ZNF44: variants seen among roughly 807,000 people sequenced by gnomAD.
ZNF44 encodes the protein gonadotropin inducible transcription repressor-2.
A neutral mutation model predicts 11.7 loss-of-function variants in ZNF44; 9 were observed. The observed-to-expected ratio is 0.77, with a 90% CI of 0.46 to 1.35. ZNF44 has a LOEUF of 1.35. Ranked by LOEUF, ZNF44 falls within the 40% of genes most tolerant of loss-of-function variation. The pLI, the probability that ZNF44 is intolerant of heterozygous loss-of-function variation, is 0.00. For missense variants in ZNF44, 696 were observed against 743.1 expected, an observed-to-expected ratio of 0.94 and a Z score of 0.74; for synonymous variants, 224 against 242.7, an observed-to-expected ratio of 0.92 and a Z score of 0.72.
chr19:12,251,329 C>CAAAA (rs58014346), intron 5 of ZNF44, among the ~76,000 whole-genome samples: 1 of 133,022 alleles, frequency 7.5e-6, no homozygotes, highest in Non-Finnish European at 1.6e-5. Context: ...GACTCTGTCT[C>CAAAA]AAAAAAAAAA....
chr19:12,273,114 G>T lies in ZNF44; in HGVS notation c.1141C>A (p.Arg381=). ...GKLLSHRSSF[R]RHMMAHTGDG... ...CCAGTGTGTGCCATCATGTGTCTTCGAAAGCTTGAGCGATGAGATAACAAT... is the reference window on the plus strand; with the variant it reads ...CCAGTGTGTGCCATCATGTGTCTTCTAAAGCTTGAGCGATGAGATAACAAT... The change falls in exon 4 of 4, where the codon CGA becomes AGA. Residue 381 remains arginine (R), a synonymous_variant. Coordinates refer to ENST00000355684, the MANE Select transcript of ZNF44 (RefSeq NM_016264.4). 1 of 1,613,878 alleles carries T rather than the reference G, an allele frequency of 6.2e-7. No homozygotes were observed. Among genetic ancestry groups the T allele is most frequent in the East Asian group, 2.2e-5 (1 of 44,862 alleles).
intron 1 of ZNF44, chr19:12,293,464 C>A (rs1968102612): frequency 1.6e-5 from 21 of 1,317,162 alleles, no homozygotes; most frequent in Non-Finnish European, 2.0e-5. Flanking sequence ...ATAAAAGAGG[C>A]ACAAAGGTTT....
chr19:12,257,261 C>T (rs1334299237), intron 5 of ZNF44, among the ~76,000 whole-genome samples: 1 of 152,166 alleles, frequency 6.6e-6, no homozygotes, highest in Non-Finnish European at 1.5e-5. Flanking sequence ...AATCAGTAAT[C>T]TCCATAATGT....
At chr19:12,267,243 C>T (rs747069513), downstream of ZNF44, among the ~76,000 whole-genome samples, 7 of 151,906 alleles carry the variant, frequency 4.6e-5, no homozygotes, top group Non-Finnish European at 8.8e-5. Context: ...GGAGTTTCAC[C>T]TTGTTGGTCA....
chr19:12,263,386 T>G (rs1917597958), intron 5 of ZNF44, among the ~76,000 whole-genome samples: 1 of 151,826 alleles, frequency 6.6e-6, no homozygotes, highest in Admixed American at 6.6e-5. Flanking sequence ...ATGCCTGGCT[T>G]CAAATTCATC....
intron 5 of ZNF44, among the ~76,000 whole-genome samples, chr19:12,251,794 G>A (rs1917007588): frequency 6.6e-6 from 1 of 152,152 alleles, no homozygotes; most frequent in South Asian, 2.1e-4. Context: ...GCTCACGCCT[G>A]TAATCCCAGC....
chr19:12,224,754 A>C (rs771540857), downstream of ZNF44: 3 of 152,274 alleles, frequency 2.0e-5, no homozygotes, highest in Non-Finnish European at 2.9e-5. Context: ...AGTCAGGAGC[A>C]CTTTTCCTTG....
chr19:12,268,141 C>CACAG (rs1288943222), downstream of ZNF44, among the ~76,000 whole-genome samples: 2 of 128,864 alleles, frequency 1.6e-5, no homozygotes, highest in African/African-American at 5.8e-5. Context: ...TACACACACA[C>CACAG]ACAGACACAC....
Position 12,288,784 on chromosome 19 carries a change from A to G in ZNF44, c.3+5908T>C, listed in dbSNP as rs1296234650. Among the ~76,000 whole-genome samples, 7 of 127,736 alleles carry G rather than the reference A, an allele frequency of 5.5e-5. 1 individual carries two copies. Among genetic ancestry groups the G allele is most frequent in the Admixed American group, 3.7e-4 (5 of 13,452 alleles). 83.8% of individuals were successfully genotyped at this position (127,736 alleles called of 152,430 possible). On this transcript the variant is annotated intron_variant, in intron 1 of 3. Coordinates refer to ENST00000355684, the MANE Select transcript of ZNF44 (RefSeq NM_016264.4). ...AAAAAAAAAAAAAATGTATATATAT[A>G]TATATATATATATATATATATGAAA... is the stretch of plus-strand genomic sequence containing the variant.
intron 1 of ZNF44, among the ~76,000 whole-genome samples, chr19:12,278,350 G>A (rs981959418): frequency 6.6e-6 from 1 of 152,166 alleles, no homozygotes; most frequent in Non-Finnish European, 1.5e-5. Context: ...AAATATGTGG[G>A]TAAAACTCTG....
intron 1 of ZNF44, among the ~76,000 whole-genome samples, chr19:12,291,773 C>T (rs1295498024): frequency 1.3e-5 from 2 of 151,860 alleles, no homozygotes; most frequent in Non-Finnish European, 2.9e-5. Flanking sequence ...GGGAGGATCA[C>T]CTGAGGTCAG....
chr19:12,293,349 G>GC, intron 1 of ZNF44: 1 of 1,536,816 alleles, frequency 6.5e-7, no homozygotes, highest in South Asian at 1.2e-5. Context: ...TCTTAGGGTA[G>GC]CCCCAGAAAG....
In ZNF44 at chr19:12,288,774, G is replaced by GTATATATATATATATA. The variant is rs55971577; in HGVS notation, c.3+5902_3+5917dup. Among the ~76,000 whole-genome samples the GTATATATATATATATA allele has an allele frequency of 7.4e-3, 566 of 76,722 alleles. 21 individuals carry two copies. The highest frequency in any genetic ancestry group is 0.013 in the African/African-American group (148 of 11,038). The allele number at this position is 76,722 out of a possible 152,430, so 50.3% of individuals were successfully genotyped here. A position where few individuals can be genotyped will look rare whatever the true frequency, so the allele number is the denominator to read the frequency against. On this transcript the variant is annotated intron_variant, in intron 1 of 3. Coordinates refer to ENST00000355684, the MANE Select transcript of ZNF44 (RefSeq NM_016264.4). Reference sequence around the variant, plus strand: ...CTCCGTCTCAAAAAAAAAAAAAAATGTATATATATATATATATATATATAT... The same window carrying GTATATATATATATATA: ...CTCCGTCTCAAAAAAAAAAAAAAATGTATATATATATATATATATATATATATATATATATATATAT...
Position 12,248,572 on chromosome 19 carries a change from C to T in ZNF44, c.*293G>A, listed in dbSNP as rs780715541. On this transcript the variant is annotated 3_prime_UTR_variant and NMD_transcript_variant, in exon 8 of 8. Coordinates refer to the ZNF44 transcript ENST00000393337. ...CATACACTGCTTTCCCAAAGCTTTCCTCCAGAAGGAGTTTTCTTGTTCAGA... is the reference window on the plus strand; with the variant it reads ...CATACACTGCTTTCCCAAAGCTTTCTTCCAGAAGGAGTTTTCTTGTTCAGA... The T allele has an allele frequency of 6.2e-6, 8 of 1,292,342 alleles. No homozygotes were observed. The Admixed American group carries it at 6.9e-5, about 11-fold the overall frequency. 80.1% of individuals were successfully genotyped at this position (1,292,342 alleles called of 1,614,324 possible).
At chr19:12,289,255 C>A (rs1190406109) in intron 1 of ZNF44, among the ~76,000 whole-genome samples, 2 of 152,072 alleles carry the variant, frequency 1.3e-5, no homozygotes, top group African/African-American at 2.4e-5. Context: ...CTGCAGTGAG[C>A]TGTGATGGCC....
At chr19:12,250,436 G>A in intron 5 of ZNF44, 1 of 1,209,174 alleles carries the variant, frequency 8.3e-7, no homozygotes, top group Non-Finnish European at 1.1e-6. Context: ...CTATACTCGA[G>A]TCATAAGATG....
chr19:12,292,536 A>C (rs1968050236), intron 1 of ZNF44, among the ~76,000 whole-genome samples: 1 of 152,072 alleles, frequency 6.6e-6, no homozygotes, highest in African/African-American at 2.4e-5. Context: ...AACACAGACA[A>C]GTCTCACTCA....
At chr19:12,278,230 T>G (rs751190718) in intron 1 of ZNF44, among the ~76,000 whole-genome samples, 93 of 152,312 alleles carry the variant, frequency 6.1e-4, no homozygotes, top group African/African-American at 2.1e-3. Flanking sequence ...TAAGGACAAG[T>G]TCCTGCTGCA....
chr19:12,238,333 A>G (rs1335299849), upstream of ZNF44, among the ~76,000 whole-genome samples: 1 of 152,034 alleles, frequency 6.6e-6, no homozygotes, highest in Non-Finnish European at 1.5e-5. Context: ...TCTACTAAAA[A>G]TACAAAAACT....
Sources: allele counts gnomAD v4.1 joint callset (sites outside exome capture counted in the v4.1 genomes callset), GRCh38; gene constraint gnomAD v4.1.1; transcripts MANE v1.5; gene names NCBI Gene and HGNC (gene_info 2026-07-23, HGNC 2026-07-21).